The following KLF8 variants were observed in gnomAD, a reference collection of about 807,000 sequenced individuals.
The protein encoded by KLF8 is Krueppel-like factor 8.
In KLF8, 10 loss-of-function variants were observed where a neutral mutation model predicts 18.2. The ratio of observed to expected loss-of-function variants is 0.55; its 90% CI spans 0.34 to 0.93. The LOEUF (loss-of-function observed/expected upper bound fraction) is 0.93, where lower values mean the gene tolerates loss of function less well. KLF8 is among the 40% of genes least tolerant of loss of function. KLF8 has a pLI of 0.02. For synonymous variants in KLF8, 109 were observed against 97.3 expected, an observed-to-expected ratio of 1.12 and a Z score of -0.71; for missense variants, 264 against 277.9, an observed-to-expected ratio of 0.95 and a Z score of 0.36.
chrX:55,940,364 G>C, the KLF8 span, among the ~76,000 whole-genome samples: 1 of 111,456 alleles, frequency 9.0e-6, no homozygotes, highest in African/African-American at 3.3e-5. Context: ...ATTAGTTATT[G>C]ATGGGACGTA....
chrX:55,992,942 T>C, the KLF8 span, among the ~76,000 whole-genome samples: 7 of 111,831 alleles, frequency 6.3e-5, no homozygotes, highest in Non-Finnish European at 1.3e-4. Flanking sequence ...TTTTGTACAT[T>C]CACTTTATAC....
At chrX:56,079,470 C>T in the KLF8 span, among the ~76,000 whole-genome samples, 1 of 111,587 alleles carries the variant, frequency 9.0e-6, no homozygotes, top group African/African-American at 3.3e-5. Context: ...GATTCTTAAT[C>T]CTGAGTTCTA....
At chrX:55,964,858 G>A in the KLF8 span, among the ~76,000 whole-genome samples, 1 of 111,420 alleles carries the variant, frequency 9.0e-6, no homozygotes, top group Non-Finnish European at 1.9e-5. Flanking sequence ...GAACCAAGAA[G>A]AAACTGACAC....
chrX:55,960,845 C>T, the KLF8 span, among the ~76,000 whole-genome samples: 2 of 111,561 alleles, frequency 1.8e-5, no homozygotes, highest in East Asian at 2.8e-4. Flanking sequence ...ATCAGACTAA[C>T]CTTGAAATTA....
the KLF8 span, among the ~76,000 whole-genome samples, chrX:55,912,752 C>G: frequency 9.0e-6 from 1 of 111,700 alleles, no homozygotes; most frequent in African/African-American, 3.3e-5. Flanking sequence ...TCATTCAGCC[C>G]TATCCACCTA....
chrX:56,006,669 C>T, the KLF8 span, among the ~76,000 whole-genome samples: 1 of 112,322 alleles, frequency 8.9e-6, no homozygotes, highest in Non-Finnish European at 1.9e-5. Context: ...ATTATTTGCC[C>T]ACTTTTAAAT....
At chrX:56,135,543 G>T in the KLF8 span, among the ~76,000 whole-genome samples, 4 of 110,317 alleles carry the variant, frequency 3.6e-5, no homozygotes, top group African/African-American at 1.3e-4. Context: ...ACACTCTGGG[G>T]ACTGTTGTGG....
the KLF8 span, among the ~76,000 whole-genome samples, chrX:56,023,739 A>T: frequency 9.0e-6 from 1 of 111,236 alleles, no homozygotes; most frequent in Non-Finnish European, 1.9e-5. Context: ...TATTACCAGC[A>T]TTCTTATTGC....
At chrX:56,050,944 T>G in the KLF8 span, among the ~76,000 whole-genome samples, 15 of 109,410 alleles carry the variant, frequency 1.4e-4, no homozygotes, top group African/African-American at 2.7e-4. Context: ...TTATGAATCT[T>G]GGTGCTCCTG....
At chrX:56,183,861 T>C in the KLF8 span, among the ~76,000 whole-genome samples, 13 of 111,330 alleles carry the variant, frequency 1.2e-4, no homozygotes, top group African/African-American at 4.2e-4. Context: ...AACGGCTCAA[T>C]GGATAAAAAA....
chrX:55,935,292 G>A, the KLF8 span, among the ~76,000 whole-genome samples: 58,150 of 110,388 alleles, frequency 0.53, 13,536 homozygotes, highest in East Asian at 0.76. Flanking sequence ...CCTGGGTATA[G>A]ACTCTTTAAG....
the KLF8 span, among the ~76,000 whole-genome samples, chrX:55,987,231 G>C: frequency 1.9e-5 from 2 of 106,652 alleles, no homozygotes; most frequent in Non-Finnish European, 3.9e-5. Flanking sequence ...TTCAGTTTTA[G>C]AGTACATGTG....
chrX:56,180,691 CTT>C, the KLF8 span, among the ~76,000 whole-genome samples: 1,369 of 111,443 alleles, frequency 0.012, 27 homozygotes, highest in African/African-American at 0.043. Context: ...CAAAGAATGT[CTT>C]TCTTTCTGCC....
At chrX:56,082,774 C>T in the KLF8 span, among the ~76,000 whole-genome samples, 22 of 111,220 alleles carry the variant, frequency 2.0e-4, no homozygotes, top group South Asian at 3.7e-4. Context: ...GTACAATTTC[C>T]CATTTGTAAA....
At chrX:56,170,428 A>G in the KLF8 span, among the ~76,000 whole-genome samples, 5 of 110,552 alleles carry the variant, frequency 4.5e-5, no homozygotes, top group Admixed American at 3.9e-4. Flanking sequence ...AAAACTCAAA[A>G]AAGTTCAAGG....
the KLF8 span, among the ~76,000 whole-genome samples, chrX:56,173,011 A>G: frequency 1.8e-5 from 2 of 111,990 alleles, no homozygotes; most frequent in African/African-American, 6.5e-5. Flanking sequence ...CCTTTGTCAG[A>G]TGAGAACATT....
intron 2 of KLF8, among the ~76,000 whole-genome samples, chrX:56,260,246 T>A (rs2066865413): frequency 9.0e-6 from 1 of 111,357 alleles, no homozygotes; most frequent in African/African-American, 3.3e-5. Flanking sequence ...AGATACTTTT[T>A]CCAAAAAGAC....
chrX:56,031,706 C>T, the KLF8 span, among the ~76,000 whole-genome samples: 5 of 111,524 alleles, frequency 4.5e-5, no homozygotes, highest in Admixed American at 4.7e-4. Context: ...TCCCAGTCAG[C>T]GAACCAAGAA....
the KLF8 span, among the ~76,000 whole-genome samples, chrX:56,099,291 C>T: frequency 1.8e-5 from 2 of 111,506 alleles, no homozygotes; most frequent in African/African-American, 6.5e-5. Context: ...CCAAGAACTG[C>T]ACCCATATAA....
Sources: gnomAD v4.1 joint callset for allele counts (sites outside exome capture counted in the v4.1 genomes callset) on GRCh38, gnomAD v4.1.1 for gene constraint, MANE v1.5 for transcripts, NCBI Gene and HGNC (gene_info 2026-07-23, HGNC 2026-07-21) for gene names.